Variants in OTOGL observed in about 807,000 individuals in gnomAD.
OTOGL encodes the protein otogelin like, also known as otogelin-like protein.
In OTOGL, 285 loss-of-function variants were observed where a neutral mutation model predicts 318.5. The observed-to-expected ratio is 0.89, with a 90% CI of 0.81 to 0.99. The LOEUF is 0.99. Among genes scored for constraint, OTOGL ranks in the 50% least tolerant of loss-of-function variants. OTOGL has a pLI of 0.00. For missense variants in OTOGL, 2,899 were observed against 2,845.6 expected, an observed-to-expected ratio of 1.02 and a Z score of -0.43; for synonymous variants, 987 against 936.5, an observed-to-expected ratio of 1.05 and a Z score of -0.99.
At chr12:80,195,736 G>T (rs368504727) in intron 1 of OTOGL, among the ~76,000 whole-genome samples, 1 of 152,264 alleles carries the variant, frequency 6.6e-6, no homozygotes, top group African/African-American at 2.4e-5. Flanking sequence ...GCTCCTGGTG[G>T]CTCCTGAATG....
Position 80,171,241 on chromosome 12 carries a change from A to AT in OTOGL, c.-19-38163dup, listed in dbSNP as rs889353513. Among the ~76,000 whole-genome samples, 24 of 151,046 alleles carry AT rather than the reference A, an allele frequency of 1.6e-4. No individual in the cohort carries two copies. In the South Asian group the frequency reaches 1.9e-3, roughly 12 times the overall value. ...AGAATGCACCACCATGCCCATCTAA[A>AT]TTTTTTTTTGTATTTTTTTGTAGAG... On this transcript the variant is annotated intron_variant, in intron 1 of 58. Transcript: ENST00000547103.
At chr12:80,170,512 C>A (rs12825753) in intron 1 of OTOGL, among the ~76,000 whole-genome samples, 24,605 of 151,892 alleles carry the variant, frequency 0.16, 3,724 homozygotes, top group African/African-American at 0.4. Context: ...TGGCTCACTG[C>A]AACCTCTGTC....
At chr12:80,146,082 T>A (rs552423250) in intron 1 of OTOGL, among the ~76,000 whole-genome samples, 11 of 150,874 alleles carry the variant, frequency 7.3e-5, no homozygotes, top group South Asian at 6.2e-4. Flanking sequence ...TGGCCAGAAC[T>A]TCCAACACCC....
chr12:80,222,403 A>ACTTC lies in OTOGL; in HGVS notation c.489+169_489+172dup, dbSNP rs566469783. 1.4e-4 allele frequency among the ~76,000 whole-genome samples: 22 copies of ACTTC among 152,244 alleles called. No individual in the cohort carries two copies. In the South Asian group the frequency reaches 4.6e-3, roughly 32 times the overall value. The stretch of plus-strand genomic sequence containing the variant: ...TTCAGTTACGAACCATATTACTCAC[A>ACTTC]CTTCCTTCCTTCCTGATACTTCCAG... On this transcript the variant is annotated intron_variant, in intron 7 of 58. Transcript: ENST00000547103.
intron 24 of OTOGL, among the ~76,000 whole-genome samples, chr12:80,276,888 A>G (rs979158160): frequency 3.3e-5 from 5 of 151,638 alleles, no homozygotes; most frequent in Non-Finnish European, 4.4e-5. Flanking sequence ...AAGGAATTAC[A>G]GTACTGTGTA....
chr12:80,172,631 T>C (rs1874282295), intron 1 of OTOGL, among the ~76,000 whole-genome samples: 1 of 152,016 alleles, frequency 6.6e-6, no homozygotes, highest in Non-Finnish European at 1.5e-5. Flanking sequence ...TCTTATGTTT[T>C]CTATGTATTT....
chr12:80,128,897 T>C (rs1871049479), intron 1 of OTOGL, among the ~76,000 whole-genome samples: 2 of 152,132 alleles, frequency 1.3e-5, no homozygotes, highest in Admixed American at 1.3e-4. Context: ...AAAAGCACAG[T>C]ATTAGGGTGG....
intron 1 of OTOGL, among the ~76,000 whole-genome samples, chr12:80,150,197 T>C (rs904457028): frequency 1.3e-4 from 20 of 152,212 alleles, no homozygotes; most frequent in Non-Finnish European, 2.6e-4. Context: ...CCTGGAAATC[T>C]CTCTAGAATA....
intron 7 of OTOGL, among the ~76,000 whole-genome samples, chr12:80,223,882 C>G (rs1009773578): frequency 6.6e-6 from 1 of 152,024 alleles, no homozygotes; most frequent in Non-Finnish European, 1.5e-5. Flanking sequence ...TGTGACTTGT[C>G]TGTTTACTCT....
At chr12:80,167,998 C>T (rs1015656415) in intron 1 of OTOGL, among the ~76,000 whole-genome samples, 4 of 151,564 alleles carry the variant, frequency 2.6e-5, no homozygotes, top group Admixed American at 1.3e-4. Context: ...CTTCTCTTCT[C>T]TTCTTTTTTT....
Position 80,302,755 on chromosome 12 carries a change from T to G in OTOGL, c.3185T>G (p.Ile1062Ser), listed in dbSNP as rs1301693750. 7.9e-6 allele frequency: 12 copies of G among 1,528,366 alleles called. 1 individual carries two copies. In the South Asian group the frequency reaches 1.4e-4, roughly 18 times the overall value. 94.7% of individuals were successfully genotyped at this position (1,528,366 alleles called of 1,614,324 possible). A position where few individuals can be genotyped will look rare whatever the true frequency, so the allele number is the denominator to read the frequency against. Residue 1062 changes from isoleucine (I) to serine (S), a missense_variant, in exon 28 of 59, where the codon ATT becomes AGT. This residue lies in a region of OTOGL where 2,607 missense variants were observed against 2,524.9 expected (regional missense o/e 1.03). Coordinates refer to ENST00000547103, the MANE Select transcript of OTOGL (RefSeq NM_001378609.3). Reference sequence around the variant, plus strand: ...ATTCTTTGGGATAGGAAGACAACTATTCATATCAAAGTTGGGCCACAGTGG... The same window carrying G: ...ATTCTTTGGGATAGGAAGACAACTAGTCATATCAAAGTTGGGCCACAGTGG... ...ITILWDRKTTIHIKVGPQWKN... is the reference protein window; with the variant it reads ...ITILWDRKTTSHIKVGPQWKN...
At chr12:80,282,872 T>C (rs1337706536) in intron 26 of OTOGL, among the ~76,000 whole-genome samples, 1 of 151,972 alleles carries the variant, frequency 6.6e-6, no homozygotes, top group Admixed American at 6.6e-5. Context: ...GTTTCTTCTT[T>C]GTCTTGTGTT....
intron 11 of OTOGL, among the ~76,000 whole-genome samples, chr12:80,239,961 A>G (rs948154460): frequency 6.6e-6 from 1 of 152,072 alleles, no homozygotes; most frequent in Non-Finnish European, 1.5e-5. Context: ...GTTCCCACAT[A>G]TGAGTGAGAA....
chr12:80,211,834 C>A, intron 3 of OTOGL, 115 bp from the exon 4 acceptor site: 2 of 842,904 alleles, frequency 2.4e-6, no homozygotes, highest in South Asian at 3.5e-5. Context: ...CCAAGAAAGA[C>A]CTCTTTGATA....
At chr12:80,309,788 C>T (rs542495375) in intron 29 of OTOGL, among the ~76,000 whole-genome samples, 2 of 152,076 alleles carry the variant, frequency 1.3e-5, no homozygotes, top group African/African-American at 4.8e-5. Context: ...TGATTAGGAT[C>T]TGCTGAGAGA....
At chr12:80,232,390 C>T (rs1260345370) in intron 8 of OTOGL, among the ~76,000 whole-genome samples, 2 of 152,088 alleles carry the variant, frequency 1.3e-5, no homozygotes, top group South Asian at 2.1e-4. Context: ...ACTCATATTT[C>T]CTTATAGCCA....
In OTOGL at chr12:80,320,785, T is replaced by G. The variant is rs1592704584; in HGVS notation, c.4081+85T>G. The G allele has an allele frequency of 4.0e-5, 53 of 1,333,834 alleles. No individual in the cohort carries two copies. In the East Asian group the frequency reaches 1.3e-3, roughly 33 times the overall value. The allele number at this position is 1,333,834 out of a possible 1,614,324, so 82.6% of individuals were successfully genotyped here. On this transcript the variant is annotated intron_variant, in intron 34 of 58. Transcript: ENST00000547103. Reference sequence around the variant, plus strand: ...TTTATGTCTTTAATTTAAAAACCATTCTTACTGCATATAAGCAGATAGACT... The same window carrying G: ...TTTATGTCTTTAATTTAAAAACCATGCTTACTGCATATAAGCAGATAGACT...
At chr12:80,247,042 A>G (rs1880964995) in intron 11 of OTOGL, among the ~76,000 whole-genome samples, 1 of 91,532 alleles carries the variant, frequency 1.1e-5, no homozygotes, top group African/African-American at 5.8e-5. Flanking sequence ...TGTCTATTTG[A>G]TTCTTCTCTC....
intron 22 of OTOGL, among the ~76,000 whole-genome samples, chr12:80,268,901 C>CA (rs5799460): frequency 0.017 from 1,319 of 77,686 alleles, 33 homozygotes; most frequent in Admixed American, 0.11. Flanking sequence ...GTAAACTTAG[C>CA]AAAAAAAAAA....
Sources: allele counts gnomAD v4.1 joint callset (sites outside exome capture counted in the v4.1 genomes callset), GRCh38; gene constraint gnomAD v4.1.1; regional missense constraint gnomAD v4.1.1; transcripts MANE v1.5; gene names NCBI Gene and HGNC (gene_info 2026-07-23, HGNC 2026-07-21).